Variants in LITAF observed in about 807,000 individuals in gnomAD.
LITAF encodes lipopolysaccharide-induced tumor necrosis factor-alpha factor.
LITAF carries 9 observed loss-of-function variants against 14.5 expected under a neutral mutation model. That is an observed-to-expected ratio of 0.62 (90% CI 0.37 to 1.08). The LOEUF (loss-of-function observed/expected upper bound fraction) is 1.08. Among genes scored for constraint, LITAF ranks in the 50% least tolerant of loss-of-function variants. The probability of loss-of-function intolerance (pLI) is 0.01; values close to 1 mark genes in which losing one functional copy is unlikely to be tolerated. For missense variants in LITAF, 206 were observed against 213.4 expected (o/e 0.97, Z 0.22); for synonymous variants, 98 against 88.2 (o/e 1.11, Z -0.62).
chr16:11,570,109 C>T (rs983609763), intron 1 of LITAF, among the ~76,000 whole-genome samples: 2 of 151,980 alleles, frequency 1.3e-5, no homozygotes, highest in Non-Finnish European at 2.9e-5. Context: ...GACCCAGGCT[C>T]CTTGGTTCAA....
At position 11,592,918 on chromosome 16, in the gene LITAF, C is replaced by T. The variant is rs144617204; in HGVS notation, c.-6+5470G>A. On this transcript the variant is annotated intron_variant, in intron 1 of 3. Coordinates refer to the LITAF transcript ENST00000571627. ...GGGTGTGGTGGCTCACGCCTGTAAT[C>T]CCAGCACTTTGGGAGGCCGAGGTGG... 5.6e-3 allele frequency among the ~76,000 whole-genome samples: 857 copies of T among 152,224 alleles called. 11 individuals are homozygous for T. The highest frequency in any genetic ancestry group is 0.02 in the African/African-American group (824 of 41,546).
intron 3 of LITAF, among the ~76,000 whole-genome samples, chr16:11,629,609 C>G (rs183431112): frequency 3.3e-5 from 5 of 152,234 alleles, no homozygotes; most frequent in Admixed American, 6.5e-5. Context: ...TCGAAGCAGC[C>G]GGCTCCTTCC....
intron 1 of LITAF, among the ~76,000 whole-genome samples, chr16:11,578,165 C>A (rs949025161): frequency 6.6e-6 from 1 of 152,198 alleles, no homozygotes; most frequent in Non-Finnish European, 1.5e-5. Context: ...TCCAAAACTG[C>A]TGGGATTATA....
Position 11,549,304 on chromosome 16 carries a change from A to G in LITAF, c.*333T>C. The G allele has an allele frequency of 2.2e-6, 1 of 449,448 alleles. No individual in the cohort carries two copies. Among genetic ancestry groups the G allele is most frequent in the Non-Finnish European group, 4.5e-6 (1 of 223,188 alleles). 27.8% of individuals were successfully genotyped at this position (449,448 alleles called of 1,614,324 possible). A position where few individuals can be genotyped will look rare whatever the true frequency, so the allele number is the denominator to read the frequency against. ...CAGAAAGGCCCATGGAAGCAGGAAAAAAGAGCCACTGATGGCAGATCACAG... is the reference window on the plus strand; with the variant it reads ...CAGAAAGGCCCATGGAAGCAGGAAAGAAGAGCCACTGATGGCAGATCACAG... On this transcript the variant is annotated 3_prime_UTR_variant, in exon 4 of 4. Coordinates refer to ENST00000622633, the MANE Select transcript of LITAF (RefSeq NM_001136472.2). This position sits in a 1 kb window ranked among gnomAD's most constrained non-coding sequence, Gnocchi z 4.6.
intron 1 of LITAF, among the ~76,000 whole-genome samples, chr16:11,557,698 G>A (rs937661886): frequency 4.6e-5 from 7 of 152,274 alleles, no homozygotes; most frequent in East Asian, 3.9e-4. Flanking sequence ...TGAACCTCCC[G>A]CCTTGGCTTC....
At chr16:11,606,094 A>G (rs1188881206) in intron 3 of LITAF, among the ~76,000 whole-genome samples, 1 of 152,022 alleles carries the variant, frequency 6.6e-6, no homozygotes, top group Non-Finnish European at 1.5e-5. Flanking sequence ...TGACCTCTAC[A>G]CCCTACTCAC....
intron 3 of LITAF, among the ~76,000 whole-genome samples, chr16:11,614,520 G>A (rs1159333452): frequency 2.0e-5 from 3 of 151,850 alleles, no homozygotes; most frequent in Admixed American, 6.6e-5. Context: ...GGCTGGTCTC[G>A]AACTCCTGAC....
upstream of LITAF, among the ~76,000 whole-genome samples, chr16:11,588,727 C>G (rs1222238660): frequency 6.6e-6 from 1 of 152,100 alleles, no homozygotes; most frequent in Non-Finnish European, 1.5e-5. Flanking sequence ...CAGAATATCA[C>G]AGACCATTGC....
upstream of LITAF, among the ~76,000 whole-genome samples, chr16:11,589,967 A>G (rs189270355): frequency 1.1e-4 from 13 of 118,496 alleles, 6 homozygotes; most frequent in Admixed American, 5.7e-4. Flanking sequence ...CAAAAATGAA[A>G]TTAAGAAAAT....
At chr16:11,566,518 C>T (rs1279220080) in intron 1 of LITAF, among the ~76,000 whole-genome samples, 1 of 152,204 alleles carries the variant, frequency 6.6e-6, no homozygotes, top group South Asian at 2.1e-4. Context: ...AATCCCAACA[C>T]TTTGGGAGGC....
At position 11,632,884 on chromosome 16, in the gene LITAF, T is replaced by A. The variant is rs919903932; in HGVS notation, c.85+649A>T. ...GAATTTCCACAGAGGCCCACCCCAC[T>A]CTGAGCCTCCTAGTGAAGGAAACAA... On this transcript the variant is annotated intron_variant, in intron 3 of 3. Transcript: ENST00000574848. This position sits in a 1 kb window ranked among gnomAD's most constrained non-coding sequence, Gnocchi z 4.8. Among the ~76,000 whole-genome samples, 2 of 152,010 alleles carry A rather than the reference T, an allele frequency of 1.3e-5. No homozygotes were observed. Among genetic ancestry groups the A allele is most frequent in the Non-Finnish European group, 2.9e-5 (2 of 68,002 alleles).
upstream of LITAF, among the ~76,000 whole-genome samples, chr16:11,637,142 C>T (rs190897810): frequency 6.6e-6 from 1 of 152,330 alleles, no homozygotes; most frequent in East Asian, 1.9e-4. Context: ...TCGCCCACCT[C>T]GGCCTCCCAC....
chr16:11,562,390 C>G (rs568633219), intron 1 of LITAF, among the ~76,000 whole-genome samples: 2 of 150,964 alleles, frequency 1.3e-5, no homozygotes, highest in African/African-American at 4.9e-5. Context: ...CTCGCGTTTC[C>G]ATGCTGCACT....
intron 1 of LITAF, among the ~76,000 whole-genome samples, chr16:11,595,996 A>G (rs554480484): frequency 2.6e-5 from 4 of 152,210 alleles, no homozygotes; most frequent in South Asian, 2.1e-4. Context: ...CCAGGACAGG[A>G]TATCCCAGTG....
rs138713866 is a variant in LITAF, at chr16:11,548,053, T to C, written c.*1584A>G. ...AAAAGCAGGTAACACCAAAGTACTATGTGGTATCCATATTCGTTGCAAAAA... is the reference window on the plus strand; with the variant it reads ...AAAAGCAGGTAACACCAAAGTACTACGTGGTATCCATATTCGTTGCAAAAA... On this transcript the variant is annotated 3_prime_UTR_variant, in exon 4 of 4. Coordinates refer to ENST00000622633, the MANE Select transcript of LITAF (RefSeq NM_001136472.2). 2 of 454,146 alleles carry C rather than the reference T, an allele frequency of 4.4e-6. No individual in the cohort carries two copies. Among genetic ancestry groups the C allele is most frequent in the East Asian group, 6.9e-5 (1 of 14,406 alleles). 28.1% of individuals were successfully genotyped at this position (454,146 alleles called of 1,614,324 possible). A position where few individuals can be genotyped will look rare whatever the true frequency, so the allele number is the denominator to read the frequency against.
intron 1 of LITAF, among the ~76,000 whole-genome samples, chr16:11,562,474 G>A (rs2064385547): frequency 6.6e-6 from 1 of 152,122 alleles, no homozygotes; most frequent in South Asian, 2.1e-4. Context: ...CTGATCCATG[G>A]AGAATTTTGA....
In LITAF at chr16:11,634,636, T is replaced by G. The variant is rs1008997497; in HGVS notation, c.-20-999A>C. 9.2e-5 allele frequency among the ~76,000 whole-genome samples: 14 copies of G among 152,206 alleles called. No individual in the cohort carries two copies. The highest frequency in any genetic ancestry group is 3.3e-4 in the Admixed American group (5 of 15,278). ...ATGAGGACCATTTTCCATAACCCTA[T>G]GATTGCATCCCCAACCAGTCAGCAG... On this transcript the variant is annotated intron_variant, in intron 2 of 3. Coordinates refer to the LITAF transcript ENST00000574848. This position sits in a 1 kb window ranked among gnomAD's most constrained non-coding sequence, Gnocchi z 4.1.
intron 1 of LITAF, among the ~76,000 whole-genome samples, chr16:11,595,201 A>G (rs1227169903): frequency 6.6e-6 from 1 of 152,130 alleles, no homozygotes; most frequent in Non-Finnish European, 1.5e-5. Context: ...TATCCTCAAA[A>G]AAGGTCCATG....
chr16:11,588,296 G>A (rs147739957), upstream of LITAF, among the ~76,000 whole-genome samples: 2 of 152,086 alleles, frequency 1.3e-5, no homozygotes, highest in Non-Finnish European at 2.9e-5. Context: ...GGAGTTCAAG[G>A]CCAGGCTGGA....
Sources: gnomAD v4.1 joint callset for allele counts (sites outside exome capture counted in the v4.1 genomes callset) on GRCh38, gnomAD v4.1.1 for gene constraint, Gnocchi (gnomAD v3.1) non-coding constraint, MANE v1.5 for transcripts, NCBI Gene and HGNC (gene_info 2026-07-23, HGNC 2026-07-21) for gene names.